Variants in CDK14 observed in about 807,000 individuals in gnomAD.
The protein encoded by CDK14 is cyclin dependent kinase 14, also known as cyclin-dependent kinase 14.
CDK14 carries 34 observed loss-of-function variants against 60.7 expected under a neutral mutation model. The observed-to-expected ratio is 0.56, with a 90% confidence interval of 0.43 to 0.75. The LOEUF (loss-of-function observed/expected upper bound fraction) is 0.75, where lower values mean the gene tolerates loss of function less well. Ranked by LOEUF, CDK14 falls within the 30% of genes least tolerant of loss-of-function variation. The probability of loss-of-function intolerance (pLI) is 0.00; values close to 1 mark genes in which losing one functional copy is unlikely to be tolerated. For synonymous variants in CDK14, 197 were observed against 203.7 expected (o/e 0.97, Z 0.28); for missense variants, 482 against 564.1 (o/e 0.85, Z 1.47).
chr7:91,006,047 G>T (rs1252802590), intron 10 of CDK14, among the ~76,000 whole-genome samples: 1 of 152,238 alleles, frequency 6.6e-6, no homozygotes, highest in African/African-American at 2.4e-5. Flanking sequence ...TCTGCAACAA[G>T]ATGGTGTCAG....
chr7:91,003,044 C>T (rs1182054423), intron 10 of CDK14, among the ~76,000 whole-genome samples: 1 of 152,170 alleles, frequency 6.6e-6, no homozygotes, highest in Non-Finnish European at 1.5e-5. Context: ...TGCACTCCAG[C>T]CTGGCGACAG....
chr7:90,651,919 T>A (rs971074218), intron 2 of CDK14, among the ~76,000 whole-genome samples: 1 of 152,112 alleles, frequency 6.6e-6, no homozygotes, highest in East Asian at 1.9e-4. Context: ...TCCTATGTAT[T>A]TTCCAATACA....
chr7:90,838,944 A>G (rs1169925376), intron 5 of CDK14, among the ~76,000 whole-genome samples: 3 of 152,086 alleles, frequency 2.0e-5, no homozygotes, highest in Admixed American at 6.6e-5. Flanking sequence ...CACTATTCAT[A>G]TACCCCCTCC....
intron 4 of CDK14, among the ~76,000 whole-genome samples, chr7:90,777,953 T>C (rs1181420474): frequency 2.0e-5 from 3 of 152,256 alleles, no homozygotes; most frequent in African/African-American, 7.2e-5. Context: ...TTAGGCTCTT[T>C]CCATGTGTTC....
chr7:91,031,038 TC>T (rs1191836079), intron 10 of CDK14, among the ~76,000 whole-genome samples: 1 of 152,236 alleles, frequency 6.6e-6, no homozygotes, highest in East Asian at 1.9e-4. Flanking sequence ...GGCTCTGTCG[TC>T]CTTTTTGGTT....
In CDK14 at chr7:91,205,751, G is replaced by A. The variant is rs969408858; in HGVS notation, c.*29-1414G>A. ...ACTTGCCAGAAACTCACCATAGTAA[G>A]TGGGGGAAATGAGCAGATGGTGGAG... is the stretch of plus-strand genomic sequence containing the variant. On this transcript the variant is annotated intron_variant, in intron 14 of 14. Coordinates refer to ENST00000380050, the MANE Select transcript of CDK14 (RefSeq NM_001287135.2). Among the ~76,000 whole-genome samples the A allele has an allele frequency of 4.3e-4, 65 of 152,278 alleles. 1 individual carries two copies. Among genetic ancestry groups the A allele is most frequent in the African/African-American group, 1.5e-3 (64 of 41,582 alleles).
intron 10 of CDK14, among the ~76,000 whole-genome samples, chr7:91,027,330 T>C (rs541532884): frequency 8.2e-4 from 125 of 152,298 alleles, no homozygotes; most frequent in Non-Finnish European, 1.4e-3. Context: ...CTGATTGTAA[T>C]ACTGACAATT....
rs774622595 is a variant in CDK14 at position 90,955,826 on chromosome 7, T to C, written c.947+9T>C. ...ACCTGCCTTGACATGTGGTGAGAAA[T>C]GGAAGCTTTACTCTAGCTAATCTAT... On this transcript the variant is annotated intron_variant, in intron 9 of 14. Coordinates refer to ENST00000380050, the MANE Select transcript of CDK14 (RefSeq NM_001287135.2). The C allele has an allele frequency of 6.2e-7, 1 of 1,612,428 alleles. No individual in the cohort carries two copies. The highest frequency in any genetic ancestry group is 1.1e-5 in the South Asian group (1 of 91,042).
At chr7:90,656,394 T>TG (rs1243944168) in intron 2 of CDK14, among the ~76,000 whole-genome samples, 1 of 151,614 alleles carries the variant, frequency 6.6e-6, no homozygotes, top group East Asian at 1.9e-4. Flanking sequence ...TTTTTTTTTT[T>TG]TTTGAGACAG....
intron 6 of CDK14, among the ~76,000 whole-genome samples, chr7:90,897,762 C>G (rs1313848141): frequency 6.6e-6 from 1 of 151,974 alleles, no homozygotes; most frequent in African/African-American, 2.4e-5. Context: ...CTCCATTGAA[C>G]CTATTTTAAT....
At chr7:90,640,757 C>T (rs1033195066) in intron 2 of CDK14, among the ~76,000 whole-genome samples, 2 of 151,814 alleles carry the variant, frequency 1.3e-5, no homozygotes, top group African/African-American at 4.8e-5. Context: ...CTCTAAAAAA[C>T]CATTGAAAGC....
intron 5 of CDK14, among the ~76,000 whole-genome samples, chr7:90,832,064 T>C (rs1310546238): frequency 2.0e-5 from 3 of 152,148 alleles, no homozygotes; most frequent in African/African-American, 7.2e-5. Flanking sequence ...ATACATCTGA[T>C]CATTTTTTTC....
At chr7:91,046,081 C>T in intron 11 of CDK14, 121 bp downstream of exon 11, 1 of 654,408 alleles carries the variant, frequency 1.5e-6, no homozygotes, top group Non-Finnish European at 2.8e-6. Context: ...CCATTGTGTA[C>T]TTTGTCTATT....
At chr7:90,896,637 G>A (rs1002760774) in intron 6 of CDK14, among the ~76,000 whole-genome samples, 5 of 152,078 alleles carry the variant, frequency 3.3e-5, no homozygotes, top group Admixed American at 2.6e-4. Context: ...TTGTTTGTTG[G>A]TGACTCATGC....
At chr7:90,732,224 C>A (rs6955078) in intron 3 of CDK14, among the ~76,000 whole-genome samples, 23,531 of 152,154 alleles carry the variant, frequency 0.15, 1,940 homozygotes, top group Middle Eastern at 0.25. Flanking sequence ...TTTTGATGGG[C>A]TGCTGGATTT....
At chr7:90,861,593 C>T (rs1385872879) in intron 5 of CDK14, among the ~76,000 whole-genome samples, 1 of 152,048 alleles carries the variant, frequency 6.6e-6, no homozygotes, top group Non-Finnish European at 1.5e-5. Context: ...AAAGCATTGC[C>T]TCTAGGGGAG....
intron 5 of CDK14, among the ~76,000 whole-genome samples, chr7:90,835,121 G>A (rs1032224626): frequency 1.3e-5 from 2 of 152,132 alleles, no homozygotes; most frequent in African/African-American, 4.8e-5. Flanking sequence ...CATTGAAAAA[G>A]GAGAAAATAA....
At chr7:90,851,287 A>G (rs73401805) in intron 5 of CDK14, among the ~76,000 whole-genome samples, 3,793 of 152,174 alleles carry the variant, frequency 0.025, 142 homozygotes, top group African/African-American at 0.086. Flanking sequence ...TGGTGAATCA[A>G]TCACCCTGTG....
intron 8 of CDK14, among the ~76,000 whole-genome samples, chr7:90,948,769 A>G (rs1413525572): frequency 6.6e-6 from 1 of 152,266 alleles, no homozygotes; most frequent in Non-Finnish European, 1.5e-5. Context: ...CATCATACAC[A>G]TAGTGAAACC....
Sources: gnomAD v4.1 joint callset for allele counts (sites outside exome capture counted in the v4.1 genomes callset) on GRCh38, gnomAD v4.1.1 for gene constraint, MANE v1.5 for transcripts, NCBI Gene and HGNC (gene_info 2026-07-23, HGNC 2026-07-21) for gene names.